RREB1: variants seen among roughly 807,000 people sequenced by gnomAD.
RREB1 encodes the protein ras responsive element binding protein 1, also known as ras-responsive element-binding protein 1.
RREB1 carries 27 observed loss-of-function variants against 117.8 expected under a neutral mutation model. The ratio of observed to expected loss-of-function variants is 0.23; its 90% CI spans 0.17 to 0.32. The LOEUF (loss-of-function observed/expected upper bound fraction) is 0.32. Ranked by LOEUF, RREB1 falls within the 10% of genes least tolerant of loss-of-function variation. RREB1 has a pLI of 1.00. For missense variants in RREB1, 2,577 were observed against 2,378.2 expected, an observed-to-expected ratio of 1.08 and a Z score of -1.74; for synonymous variants, 1,298 against 1,026.7, an observed-to-expected ratio of 1.26 and a Z score of -5.05.
intron 10 of RREB1, among the ~76,000 whole-genome samples, chr6:7,236,209 C>G (rs1171736722): frequency 6.6e-6 from 1 of 152,202 alleles, no homozygotes; most frequent in East Asian, 1.9e-4. Flanking sequence ...CTGTTCTAGC[C>G]TCTGTCCTCA....
chr6:7,204,637 G>A (rs28702518), intron 6 of RREB1, among the ~76,000 whole-genome samples: 2,191 of 152,262 alleles, frequency 0.014, 45 homozygotes, highest in African/African-American at 0.05. Context: ...GTCCTGGGCC[G>A]TGCTGTGTGT....
intron 4 of RREB1, among the ~76,000 whole-genome samples, chr6:7,186,044 T>C (rs1765063455): frequency 6.6e-6 from 1 of 152,202 alleles, no homozygotes; most frequent in Non-Finnish European, 1.5e-5. Flanking sequence ...TTGGTGTTAT[T>C]TGCAAGGAGC....
At chr6:7,226,831 G>A (rs912719361) in intron 9 of RREB1, among the ~76,000 whole-genome samples, 175 bp downstream of exon 9, 4 of 152,148 alleles carry the variant, frequency 2.6e-5, no homozygotes, top group Non-Finnish European at 5.9e-5. Context: ...GTCTCCCTTG[G>A]GTTGTTGGGT....
At chr6:7,143,091 A>T (rs138592537) in intron 1 of RREB1, among the ~76,000 whole-genome samples, 1 of 152,328 alleles carries the variant, frequency 6.6e-6, no homozygotes, top group East Asian at 1.9e-4. Flanking sequence ...TTTTGGGGAA[A>T]ATACAGCTAA....
rs1561795961 is a variant in RREB1, at chr6:7,230,434, G to A, written c.2335G>A (p.Gly779Ser). 3.8e-6 allele frequency: 6 copies of A among 1,591,216 alleles called. No individual in the cohort carries two copies. Among genetic ancestry groups the A allele is most frequent in the Non-Finnish European group, 4.3e-6 (5 of 1,174,894 alleles). The change falls in exon 10 of 13, where the codon GGC becomes AGC. Residue 779 changes from glycine to serine, a missense_variant. Transcript: ENST00000379938. Reference sequence around the variant, plus strand: ...CCACATGCGCACGCACTGCGGCCGCGGCCTGGGCGGGGGCCACAAGGGCCG... The same window carrying A: ...CCACATGCGCACGCACTGCGGCCGCAGCCTGGGCGGGGGCCACAAGGGCCG... ...RIHMRTHCGR[G>S]LGGGHKGRKP... is the part of the protein sequence containing the mutation.
At chr6:7,155,763 A>T (rs950376913) in intron 1 of RREB1, among the ~76,000 whole-genome samples, 6 of 152,270 alleles carry the variant, frequency 3.9e-5, no homozygotes, top group Admixed American at 6.5e-5. Context: ...TCCAAGTGAC[A>T]TTAAGAACTT....
intron 1 of RREB1, among the ~76,000 whole-genome samples, chr6:7,165,578 C>T (rs560709222): frequency 7.2e-5 from 11 of 152,164 alleles, no homozygotes; most frequent in Non-Finnish European, 1.5e-4. Flanking sequence ...TACTGGGTTA[C>T]ATTAAATAGG....
intron 1 of RREB1, among the ~76,000 whole-genome samples, chr6:7,173,793 A>G (rs1184050158): frequency 6.6e-6 from 1 of 152,150 alleles, no homozygotes; most frequent in Non-Finnish European, 1.5e-5. Flanking sequence ...GAAAAAAAAA[A>G]AGGGAAAGAA....
chr6:7,145,420 C>T (rs538645855), intron 1 of RREB1, among the ~76,000 whole-genome samples: 2 of 152,320 alleles, frequency 1.3e-5, no homozygotes, highest in South Asian at 4.1e-4. Flanking sequence ...ACTGCTTTTC[C>T]TGTATCAAAA....
chr6:7,201,948 T>C (rs570974366), intron 6 of RREB1, among the ~76,000 whole-genome samples: 3 of 152,252 alleles, frequency 2.0e-5, no homozygotes, highest in East Asian at 1.9e-4. Flanking sequence ...GTGCACCATG[T>C]CCATCCGTTT....
chr6:7,186,906 A>G (rs1175280189), intron 4 of RREB1, among the ~76,000 whole-genome samples: 2 of 152,314 alleles, frequency 1.3e-5, no homozygotes, highest in East Asian at 3.9e-4. Context: ...AGCAGTGGGC[A>G]GGGGCATGCC....
intron 2 of RREB1, among the ~76,000 whole-genome samples, chr6:7,177,663 A>T (rs1463728601): frequency 6.6e-6 from 1 of 152,000 alleles, no homozygotes; most frequent in African/African-American, 2.4e-5. Flanking sequence ...CCTCCCAAGT[A>T]TCTGGGACTA....
At chr6:7,108,963 C>A (rs1334885028) in intron 1 of RREB1, among the ~76,000 whole-genome samples, 4 of 149,842 alleles carry the variant, frequency 2.7e-5, no homozygotes, top group East Asian at 4.1e-4. Flanking sequence ...CCTCGCCCTT[C>A]CGTTGGCGGG....
chr6:7,209,251 GA>G (rs965999291), intron 6 of RREB1, among the ~76,000 whole-genome samples: 3 of 152,156 alleles, frequency 2.0e-5, no homozygotes, highest in Non-Finnish European at 2.9e-5. Flanking sequence ...AAAGGGCGTG[GA>G]TTTTGTTAAT....
intron 1 of RREB1, among the ~76,000 whole-genome samples, chr6:7,161,460 G>A (rs1412591263): frequency 1.3e-5 from 2 of 152,182 alleles, no homozygotes; most frequent in Non-Finnish European, 2.9e-5. Flanking sequence ...TGACACAGAA[G>A]AGAAAGAGGT....
At chr6:7,133,005 A>G (rs138910822) in intron 1 of RREB1, among the ~76,000 whole-genome samples, 120 of 152,318 alleles carry the variant, frequency 7.9e-4, no homozygotes, top group African/African-American at 2.7e-3. Flanking sequence ...CAAGTAGTCA[A>G]ATTGGTGATA....
chr6:7,230,859 G>A lies in RREB1; in HGVS notation c.2760G>A (p.Leu920=). 2.5e-6 allele frequency: 4 copies of A among 1,614,222 alleles called. No homozygotes were observed. Among genetic ancestry groups the A allele is most frequent in the Non-Finnish European group, 3.4e-6 (4 of 1,180,044 alleles). ...TGAAGCAGGAAAACATCTCCTTTCT[G>A]AGCCCTTCTTCCCTGGTCCCCTATG... is the stretch of plus-strand genomic sequence containing the variant. ...VQVKQENISF[L]SPSSLVPYDC... The change falls in exon 10 of 13, where the codon CTG becomes CTA. Residue 920 remains leucine (L), a synonymous_variant. Coordinates refer to ENST00000379938, the MANE Select transcript of RREB1 (RefSeq NM_001003699.4).
chr6:7,148,616 AC>A (rs575152766), intron 1 of RREB1, among the ~76,000 whole-genome samples: 56 of 151,972 alleles, frequency 3.7e-4, no homozygotes, highest in African/African-American at 1.3e-3. Flanking sequence ...ATCCTGAGTC[AC>A]CCCCACAAAA....
chr6:7,223,622 T>C (rs1433304964), intron 8 of RREB1, among the ~76,000 whole-genome samples: 1 of 147,350 alleles, frequency 6.8e-6, no homozygotes, highest in Non-Finnish European at 1.5e-5. Context: ...GAAAAAAATA[T>C]ATTTTTTATC....
Sources: gnomAD v4.1 joint callset for allele counts (sites outside exome capture counted in the v4.1 genomes callset) on GRCh38, gnomAD v4.1.1 for gene constraint, MANE v1.5 for transcripts, NCBI Gene and HGNC (gene_info 2026-07-23, HGNC 2026-07-21) for gene names.